The following NEDD1 variants were observed in gnomAD, a reference collection of about 807,000 sequenced individuals.
The protein encoded by NEDD1 is protein NEDD1.
NEDD1 carries 33 observed loss-of-function variants against 74.0 expected under a neutral mutation model. The ratio of observed to expected loss-of-function variants is 0.45; its 90% CI spans 0.34 to 0.60. The LOEUF (loss-of-function observed/expected upper bound fraction) is 0.60, where lower values mean the gene tolerates loss of function less well. Among genes scored for constraint, NEDD1 ranks in the 20% least tolerant of loss-of-function variants. NEDD1 has a pLI of 0.01. For synonymous variants in NEDD1, 250 were observed against 264.4 expected (o/e 0.95, Z 0.53); for missense variants, 746 against 776.5 (o/e 0.96, Z 0.47).
rs766933790 is a variant in NEDD1, at chr12:96,944,816, G to C, written c.1654+21G>C. 4.2e-5 allele frequency: 63 copies of C among 1,503,252 alleles called. No individual in the cohort carries two copies. In the Admixed American group the frequency reaches 1.5e-3, roughly 35 times the overall value. The allele number at this position is 1,503,252 out of a possible 1,614,324, so 93.1% of individuals were successfully genotyped here. On this transcript the variant is annotated intron_variant, in intron 13 of 15. Transcript: ENST00000266742. ...TCCAAGTAAGTACATGAAACTTCCT[G>C]ATGTTTGAAAGTGTTTGATTGAAAA...
chr12:96,939,298 T>A (rs1877431878), intron 9 of NEDD1, among the ~76,000 whole-genome samples: 2 of 152,004 alleles, frequency 1.3e-5, no homozygotes. Context: ...AACTTCTGTT[T>A]CCTAAAGTTT....
At position 96,921,579 on chromosome 12, in the gene NEDD1, A is replaced by T. The variant is rs571079846; in HGVS notation, c.489+1454A>T. ...TAGTTTCTTGCCTTACATGGAGAAG[A>T]TGTATAATAAATATTTGAATGTATG... On this transcript the variant is annotated intron_variant, in intron 6 of 15. Coordinates refer to ENST00000266742, the MANE Select transcript of NEDD1 (RefSeq NM_152905.4). Among the ~76,000 whole-genome samples the T allele has an allele frequency of 2.0e-5, 3 of 152,224 alleles. No homozygotes were observed. In the South Asian group the frequency reaches 6.2e-4, roughly 32 times the overall value.
chr12:96,929,569 A>G (rs1377430498), intron 6 of NEDD1, among the ~76,000 whole-genome samples: 10 of 34,714 alleles, frequency 2.9e-4, no homozygotes, highest in African/African-American at 1.1e-3. Context: ...ACACACACAC[A>G]CACACACACA....
At chr12:96,918,164 TTGTG>T (rs1309298537) in intron 5 of NEDD1, among the ~76,000 whole-genome samples, 1 of 151,830 alleles carries the variant, frequency 6.6e-6, no homozygotes, top group African/African-American at 2.4e-5. Context: ...CTGCTCTTGT[TTGTG>T]TTTTTTTTTT....
Position 96,952,222 on chromosome 12 carries a change from A to G in NEDD1, c.*169A>G, listed in dbSNP as rs758748215. ...CAACTGTTTCATCTTAAAAATATGT[A>G]TATTTTTATATTAAAAATTGTACAG... On this transcript the variant is annotated 3_prime_UTR_variant, in exon 16 of 16. Coordinates refer to ENST00000266742, the MANE Select transcript of NEDD1 (RefSeq NM_152905.4). 3.1e-4 allele frequency: 149 copies of G among 476,614 alleles called. No homozygotes were observed. The highest frequency in any genetic ancestry group is 4.9e-4 in the Non-Finnish European group (134 of 272,512). 29.5% of individuals were successfully genotyped at this position (476,614 alleles called of 1,614,324 possible).
At chr12:96,934,501 CTT>C (rs572665652) in intron 6 of NEDD1, among the ~76,000 whole-genome samples, 7 of 140,312 alleles carry the variant, frequency 5.0e-5, no homozygotes, top group Admixed American at 1.4e-4. Flanking sequence ...CTTTTCTTTT[CTT>C]TTTTTTTTTT....
chr12:96,945,896 T>G (rs1878150734), intron 14 of NEDD1, 47 bp downstream of exon 14: 1 of 1,245,184 alleles, frequency 8.0e-7, no homozygotes, highest in Non-Finnish European at 1.1e-6. Context: ...TACTTGTTTT[T>G]TTTTTAGATG....
At chr12:96,914,395 T>G (rs891511806) in intron 4 of NEDD1, among the ~76,000 whole-genome samples, 2 of 152,198 alleles carry the variant, frequency 1.3e-5, no homozygotes, top group Non-Finnish European at 2.9e-5. Flanking sequence ...TTTGTGAATA[T>G]TCCAAATTAG....
In NEDD1 at chr12:96,913,726, C is replaced by T. The variant is rs181089020; in HGVS notation, c.231+909C>T. ...TGATTAAGGATAATACTGGCTTCTT[C>T]ATTTCTAGTCACACACTCTTTGAAA... is the stretch of plus-strand genomic sequence containing the variant. On this transcript the variant is annotated intron_variant, in intron 4 of 15. Transcript: ENST00000266742. Among the ~76,000 whole-genome samples the T allele has an allele frequency of 2.0e-4, 30 of 151,812 alleles. No individual in the cohort carries two copies. The East Asian group carries it at 5.8e-3, about 29-fold the overall frequency.
chr12:96,908,444 C>T (rs892750673), intron 2 of NEDD1, among the ~76,000 whole-genome samples: 1 of 152,144 alleles, frequency 6.6e-6, no homozygotes, highest in African/African-American at 2.4e-5. Flanking sequence ...TAATTCTGTG[C>T]CCTCTCCCTT....
rs773754235 is a variant in NEDD1, at chr12:96,909,739, A to G, written c.-8-13A>G. On this transcript the variant is annotated splice_polypyrimidine_tract_variant and intron_variant, in intron 2 of 15. Coordinates refer to ENST00000266742, the MANE Select transcript of NEDD1 (RefSeq NM_152905.4). Reference sequence around the variant, plus strand: ...AAATGTTTTTAAAATACATTGTTTTAAACTATTTGTAGGCGCAGTCATGCA... The same window carrying G: ...AAATGTTTTTAAAATACATTGTTTTGAACTATTTGTAGGCGCAGTCATGCA... 8.1e-6 allele frequency: 13 copies of G among 1,599,226 alleles called. No homozygotes were observed. Among genetic ancestry groups the G allele is most frequent in the African/African-American group, 1.3e-5 (1 of 74,224 alleles).
rs765144294 is a variant in NEDD1 at position 96,951,491 on chromosome 12, T to G, written c.1871T>G (p.Met624Arg). The G allele has an allele frequency of 1.1e-5, 16 of 1,520,594 alleles. No homozygotes were observed. The highest frequency in any genetic ancestry group is 1.5e-5 in the Non-Finnish European group (16 of 1,098,918). The allele number at this position is 1,520,594 out of a possible 1,614,324, so 94.2% of individuals were successfully genotyped here. A position where few individuals can be genotyped will look rare whatever the true frequency, so the allele number is the denominator to read the frequency against. Residue 624 changes from methionine (M) to arginine (R), a missense_variant, in exon 15 of 16, where the codon ATG becomes AGG. Physicochemically the swap from Met to Arg is moderately conservative, Grantham distance 91 (BLOSUM62 -1). Around this residue, in one of 3 missense-constraint regions of NEDD1, gnomAD observed 29 missense variants for 50.8 expected, o/e 0.57. Transcript: ENST00000266742. ...GTGGAGATGATTAAACAGTTTCATA[T>G]GCAACTGGTATGTATGGCAAATTTT... ...LQVEMIKQFH[M>R]QLNEMHSLLE...
intron 3 of NEDD1, 117 bp downstream of exon 3, chr12:96,910,012 G>C: frequency 9.5e-7 from 1 of 1,054,378 alleles, no homozygotes; most frequent in Non-Finnish European, 1.3e-6. Flanking sequence ...GTTTTGCATT[G>C]CTACCAAGGA....
chr12:96,913,914 G>A (rs1263797087), intron 4 of NEDD1, among the ~76,000 whole-genome samples: 1 of 151,982 alleles, frequency 6.6e-6, no homozygotes, highest in Non-Finnish European at 1.5e-5. Context: ...AAAGAAAACA[G>A]CAGGACAACT....
At chr12:96,942,676 T>C (rs1877784295) in intron 11 of NEDD1, 52 bp downstream of exon 11, 2 of 876,172 alleles carry the variant, frequency 2.3e-6, no homozygotes, top group Non-Finnish European at 3.8e-6. Flanking sequence ...AATTGTATTA[T>C]CTATGCTGTG....
At chr12:96,912,271 T>A (rs930964881) in intron 3 of NEDD1, among the ~76,000 whole-genome samples, 2 of 151,852 alleles carry the variant, frequency 1.3e-5, no homozygotes, top group East Asian at 1.9e-4. Flanking sequence ...TTTTTTTTTT[T>A]AAATAGAAAA....
intron 5 of NEDD1, among the ~76,000 whole-genome samples, chr12:96,919,477 G>A (rs1318192684): frequency 6.6e-6 from 1 of 152,158 alleles, no homozygotes; most frequent in Non-Finnish European, 1.5e-5. Flanking sequence ...TTATCTCACA[G>A]ATGCCTTGCT....
Position 96,919,809 on chromosome 12 carries a change from G to A in NEDD1, c.349-176G>A, listed in dbSNP as rs568524969. ...TACCTGTCCATAATCTCTCTCTCTC[G>A]TAAAGTGCCTGGACCATTTTTATCA... On this transcript the variant is annotated intron_variant, in intron 5 of 15. Transcript: ENST00000266742. Among the ~76,000 whole-genome samples, 12 of 152,202 alleles carry A rather than the reference G, an allele frequency of 7.9e-5. No individual in the cohort carries two copies. In the East Asian group the frequency reaches 1.9e-3, roughly 24 times the overall value.
chr12:96,946,476 AC>A (rs1878211021), intron 14 of NEDD1, among the ~76,000 whole-genome samples: 1 of 152,168 alleles, frequency 6.6e-6, no homozygotes, highest in Admixed American at 6.6e-5. Context: ...GATTTGGATT[AC>A]CGTAAGCAAG....
Sources: gnomAD v4.1 joint callset for allele counts (sites outside exome capture counted in the v4.1 genomes callset) on GRCh38, gnomAD v4.1.1 for gene constraint, gnomAD v4.1.1 regional missense constraint, MANE v1.5 for transcripts, NCBI Gene and HGNC (gene_info 2026-07-23, HGNC 2026-07-21) for gene names.